The following JAZF1 variants were observed in gnomAD, a reference collection of about 807,000 sequenced individuals.
The protein encoded by JAZF1 is JAZF zinc finger 1.
Under a neutral mutation model 26.4 loss-of-function variants are expected in JAZF1, and 8 were observed. The ratio of observed to expected loss-of-function variants is 0.30; its 90% CI spans 0.18 to 0.55. JAZF1 has a LOEUF of 0.55. Ranked by LOEUF, JAZF1 falls within the 20% of genes least tolerant of loss-of-function variation. The pLI, the probability that JAZF1 is intolerant of heterozygous loss-of-function variation, is 0.94. For synonymous variants in JAZF1, 126 were observed against 122.3 expected, an observed-to-expected ratio of 1.03 and a Z score of -0.20; for missense variants, 199 against 322.0, an observed-to-expected ratio of 0.62 and a Z score of 2.92.
At chr7:28,101,973 C>T (rs762067343) in intron 1 of JAZF1, among the ~76,000 whole-genome samples, 6 of 151,972 alleles carry the variant, frequency 3.9e-5, no homozygotes, top group Non-Finnish European at 7.4e-5. Flanking sequence ...ATTTTCTACA[C>T]GTTGTCTTAT....
chr7:27,952,485 T>C (rs571470873), intron 2 of JAZF1, among the ~76,000 whole-genome samples: 13 of 152,240 alleles, frequency 8.5e-5, no homozygotes, highest in Non-Finnish European at 1.5e-4. Context: ...AAAATTACAT[T>C]GTAATCCACC....
intron 1 of JAZF1, among the ~76,000 whole-genome samples, chr7:28,116,654 G>A (rs1784750071): frequency 6.6e-6 from 1 of 152,018 alleles, no homozygotes; most frequent in Non-Finnish European, 1.5e-5. Flanking sequence ...ATGTTGGCCA[G>A]GCTGGTCTCA....
At chr7:27,961,878 T>C (rs1785190775) in intron 2 of JAZF1, among the ~76,000 whole-genome samples, 1 of 152,184 alleles carries the variant, frequency 6.6e-6, no homozygotes, top group African/African-American at 2.4e-5. Flanking sequence ...CCATCATGGG[T>C]ATCAAAGGTT....
intron 1 of JAZF1, among the ~76,000 whole-genome samples, chr7:28,046,071 C>G (rs1219601256): frequency 1.3e-5 from 2 of 152,202 alleles, no homozygotes; most frequent in Non-Finnish European, 2.9e-5. Flanking sequence ...AGGTTTCCTT[C>G]TCTAATGTTT....
intron 1 of JAZF1, among the ~76,000 whole-genome samples, chr7:28,008,809 T>C (rs774038835): frequency 6.6e-6 from 1 of 152,232 alleles, no homozygotes; most frequent in African/African-American, 2.4e-5. Flanking sequence ...TCAGTAGAGA[T>C]AGAAAACCTT....
At chr7:27,870,944 A>G (rs951871623) in intron 3 of JAZF1, among the ~76,000 whole-genome samples, 1 of 152,216 alleles carries the variant, frequency 6.6e-6, no homozygotes, top group Non-Finnish European at 1.5e-5. Flanking sequence ...ACTCCAGAGT[A>G]GTTAGCAATG....
At chr7:28,017,350 G>GAAAA (rs1180100308) in intron 1 of JAZF1, among the ~76,000 whole-genome samples, 1 of 81,868 alleles carries the variant, frequency 1.2e-5, no homozygotes, top group African/African-American at 4.0e-5. Context: ...CTCTGTTTCA[G>GAAAA]AAAAAAAAAA....
chr7:27,846,345 A>G (rs1398835918), intron 3 of JAZF1, among the ~76,000 whole-genome samples: 1 of 141,540 alleles, frequency 7.1e-6, no homozygotes, highest in Non-Finnish European at 1.6e-5. Flanking sequence ...ACACGTATAT[A>G]TACACGTATA....
At chr7:27,943,025 T>C (rs1242736796) in intron 2 of JAZF1, among the ~76,000 whole-genome samples, 1 of 152,204 alleles carries the variant, frequency 6.6e-6, no homozygotes, top group African/African-American at 2.4e-5. Flanking sequence ...TTCTTTTTCA[T>C]GACGAAACAA....
chr7:27,858,464 C>T (rs1193017330), intron 3 of JAZF1, among the ~76,000 whole-genome samples: 3 of 152,170 alleles, frequency 2.0e-5, no homozygotes, highest in Admixed American at 6.5e-5. Context: ...AGGCATCATC[C>T]TACCTGACTT....
chr7:27,969,376 T>C (rs569027998), intron 2 of JAZF1, among the ~76,000 whole-genome samples: 4 of 152,210 alleles, frequency 2.6e-5, no homozygotes, highest in African/African-American at 9.6e-5. Flanking sequence ...CAGGGCCATG[T>C]TGTCACCTAA....
chr7:28,121,371 G>A lies in JAZF1; in HGVS notation c.115+59092C>T, dbSNP rs185477789. ...ACTACAATTAAAAGGATCTACAAGC[G>A]CAAAGTAAGAATAATCATATGAGAC... On this transcript the variant is annotated intron_variant, in intron 1 of 4. Transcript: ENST00000283928. Among the ~76,000 whole-genome samples, 788 of 152,184 alleles carry A rather than the reference G, an allele frequency of 5.2e-3. 3 individuals carry two copies. Among genetic ancestry groups the A allele is most frequent in the Non-Finnish European group, 9.0e-3 (612 of 67,994 alleles).
chr7:28,163,267 C>G (rs942140797), intron 1 of JAZF1, among the ~76,000 whole-genome samples: 1 of 152,178 alleles, frequency 6.6e-6, no homozygotes, highest in African/African-American at 2.4e-5. Flanking sequence ...CCTGGGACAA[C>G]TGACATCAGA....
intron 1 of JAZF1, among the ~76,000 whole-genome samples, chr7:28,057,667 G>A (rs1783734066): frequency 6.6e-6 from 1 of 152,116 alleles, no homozygotes; most frequent in Non-Finnish European, 1.5e-5. Context: ...AGCTACTTAG[G>A]TCTTTGTAGC....
At chr7:27,972,891 A>G (rs528920539) in intron 2 of JAZF1, among the ~76,000 whole-genome samples, 20 of 151,862 alleles carry the variant, frequency 1.3e-4, no homozygotes, top group South Asian at 4.2e-4. Flanking sequence ...ATCTATATAC[A>G]TATATGTATG....
intron 1 of JAZF1, among the ~76,000 whole-genome samples, chr7:28,051,131 C>A (rs1365280947): frequency 2.2e-3 from 216 of 96,516 alleles, no homozygotes; most frequent in East Asian, 5.5e-3. Context: ...GACTCCATCT[C>A]AAAAAAAAAA....
chr7:27,839,582 C>G (rs1249659984), intron 4 of JAZF1, among the ~76,000 whole-genome samples: 1 of 152,188 alleles, frequency 6.6e-6, no homozygotes, highest in Admixed American at 6.5e-5. Context: ...CGCTCCTCTG[C>G]CAGCCCTCAG....
intron 1 of JAZF1, among the ~76,000 whole-genome samples, chr7:28,058,140 C>G (rs964628902): frequency 2.7e-4 from 41 of 152,208 alleles, no homozygotes; most frequent in African/African-American, 9.2e-4. Flanking sequence ...TGGTACTGAT[C>G]CTGGTGGGGA....
At chr7:27,939,931 C>T (rs530715026) in intron 2 of JAZF1, among the ~76,000 whole-genome samples, 154 of 152,266 alleles carry the variant, frequency 1.0e-3, no homozygotes, top group African/African-American at 3.3e-3. Flanking sequence ...GTGACCCTGC[C>T]GCTTGCTAAC....
Sources: allele counts gnomAD v4.1 joint callset (sites outside exome capture counted in the v4.1 genomes callset), GRCh38; gene constraint gnomAD v4.1.1; transcripts MANE v1.5; gene names NCBI Gene and HGNC (gene_info 2026-07-23, HGNC 2026-07-21).